Variants in CNTNAP2 observed in about 807,000 individuals in gnomAD.
The protein encoded by CNTNAP2 is contactin associated protein 2, also known as contactin-associated protein-like 2.
CNTNAP2 carries 98 observed loss-of-function variants against 155.2 expected under a neutral mutation model. The observed-to-expected ratio is 0.63, with a 90% CI of 0.54 to 0.75. CNTNAP2 has a LOEUF of 0.75. CNTNAP2 is among the 30% of genes least tolerant of loss of function. CNTNAP2 has a pLI of 0.00. For synonymous variants in CNTNAP2, 651 were observed against 631.2 expected, an observed-to-expected ratio of 1.03 and a Z score of -0.47; for missense variants, 1,727 against 1,688.1, an observed-to-expected ratio of 1.02 and a Z score of -0.40.
At chr7:146,201,675 T>A (rs995617095) in intron 1 of CNTNAP2, among the ~76,000 whole-genome samples, 4 of 140,564 alleles carry the variant, frequency 2.8e-5, no homozygotes, top group Admixed American at 7.4e-5. Flanking sequence ...TGTGTGTGTG[T>A]GAATCAGAAA....
chr7:146,227,623 G>A (rs1799317684), intron 1 of CNTNAP2, among the ~76,000 whole-genome samples: 2 of 151,982 alleles, frequency 1.3e-5, no homozygotes, highest in African/African-American at 4.8e-5. Flanking sequence ...ATGTCAATTG[G>A]TGAGTAATGA....
rs571383052 is a variant in CNTNAP2 at position 146,930,881 on chromosome 7, G to C, written c.402+90977G>C. Among the ~76,000 whole-genome samples the C allele has an allele frequency of 1.1e-4, 16 of 152,254 alleles. No individual in the cohort carries two copies. In the South Asian group the frequency reaches 3.3e-3, roughly 32 times the overall value. On this transcript the variant is annotated intron_variant, in intron 3 of 23. Transcript: ENST00000361727. ...TAAAGGGATTAATTCAACAAGAAGAGCTAACTATCCTAAATATATATGCAC... is the reference window on the plus strand; with the variant it reads ...TAAAGGGATTAATTCAACAAGAAGACCTAACTATCCTAAATATATATGCAC...
chr7:146,752,716 T>G (rs1801927274), intron 1 of CNTNAP2, among the ~76,000 whole-genome samples: 1 of 152,236 alleles, frequency 6.6e-6, no homozygotes, highest in Non-Finnish European at 1.5e-5. Flanking sequence ...TGAATGGTAA[T>G]GTCTAGATTT....
chr7:146,378,299 T>G (rs1262700893), intron 1 of CNTNAP2, among the ~76,000 whole-genome samples: 2 of 152,160 alleles, frequency 1.3e-5, no homozygotes, highest in Non-Finnish European at 2.9e-5. Context: ...TTAATTGGCT[T>G]GAAATGTTGC....
chr7:146,134,047 C>G (rs1584765489), intron 1 of CNTNAP2, among the ~76,000 whole-genome samples: 1 of 149,156 alleles, frequency 6.7e-6, no homozygotes, highest in South Asian at 2.2e-4. Context: ...TACCCATGAG[C>G]ATGGAATGTT....
chr7:148,364,415 TC>T (rs1798690576), intron 21 of CNTNAP2, among the ~76,000 whole-genome samples: 1 of 152,196 alleles, frequency 6.6e-6, no homozygotes, highest in Non-Finnish European at 1.5e-5. Flanking sequence ...AGTGCACCAA[TC>T]GACACTCTGT....
intron 3 of CNTNAP2, among the ~76,000 whole-genome samples, chr7:146,855,414 A>C (rs2129203933): frequency 6.6e-6 from 1 of 152,332 alleles, no homozygotes; most frequent in South Asian, 2.1e-4. Context: ...TGTAATTACA[A>C]AATATTGGAA....
chr7:146,426,385 G>GTATATA (rs71794213), intron 1 of CNTNAP2, among the ~76,000 whole-genome samples: 25 of 135,168 alleles, frequency 1.8e-4, no homozygotes, highest in East Asian at 6.9e-4. Flanking sequence ...AAAACAAAAT[G>GTATATA]TATATATATA....
intron 6 of CNTNAP2, among the ~76,000 whole-genome samples, chr7:147,127,822 A>G (rs1801271772): frequency 1.3e-5 from 2 of 152,174 alleles, no homozygotes; most frequent in African/African-American, 4.8e-5. Flanking sequence ...AATTTAAAAG[A>G]TATATATTAC....
chr7:147,187,469 G>A (rs1267707809), intron 8 of CNTNAP2, among the ~76,000 whole-genome samples: 4 of 152,130 alleles, frequency 2.6e-5, no homozygotes, highest in African/African-American at 7.2e-5. Flanking sequence ...AAGCAACATG[G>A]ATGTAGCTGG....
At chr7:147,355,191 A>G (rs1307989896) in intron 9 of CNTNAP2, among the ~76,000 whole-genome samples, 1 of 152,070 alleles carries the variant, frequency 6.6e-6, no homozygotes, top group African/African-American at 2.4e-5. Context: ...ACCAATGACT[A>G]CTGGGTAAAT....
chr7:148,368,933 G>C (rs1045741393), intron 21 of CNTNAP2, among the ~76,000 whole-genome samples: 10 of 152,140 alleles, frequency 6.6e-5, no homozygotes, highest in African/African-American at 9.7e-5. Context: ...GGTCAGGCGG[G>C]CCCAGGCCTG....
intron 12 of CNTNAP2, among the ~76,000 whole-genome samples, chr7:147,563,004 A>C (rs1461464433): frequency 1.3e-5 from 2 of 152,188 alleles, no homozygotes; most frequent in African/African-American, 4.8e-5. Flanking sequence ...GGGTAATGAT[A>C]ATAAGATGCT....
chr7:146,249,938 T>G (rs1304370972), intron 1 of CNTNAP2, among the ~76,000 whole-genome samples: 1 of 152,184 alleles, frequency 6.6e-6, no homozygotes, highest in Non-Finnish European at 1.5e-5. Context: ...TAGGGCTCTA[T>G]GCAGTGAAAC....
chr7:147,178,397 T>C (rs1438581154), intron 8 of CNTNAP2, among the ~76,000 whole-genome samples: 2 of 152,198 alleles, frequency 1.3e-5, no homozygotes, highest in African/African-American at 4.8e-5. Flanking sequence ...AAACAGTTTC[T>C]TACCTAGAGC....
intron 15 of CNTNAP2, among the ~76,000 whole-genome samples, chr7:148,079,256 A>T (rs542786250): frequency 2.0e-5 from 3 of 152,238 alleles, no homozygotes; most frequent in Admixed American, 2.0e-4. Flanking sequence ...CACTCGATAC[A>T]TGTAAGATAT....
chr7:146,849,644 T>TA (rs1352846911), intron 3 of CNTNAP2, among the ~76,000 whole-genome samples: 1 of 152,214 alleles, frequency 6.6e-6, no homozygotes, highest in African/African-American at 2.4e-5. Flanking sequence ...ATTTACCTTA[T>TA]GCGATTTTTG....
chr7:146,342,515 C>A (rs963241474), intron 1 of CNTNAP2, among the ~76,000 whole-genome samples: 5 of 152,016 alleles, frequency 3.3e-5, no homozygotes, highest in African/African-American at 1.2e-4. Flanking sequence ...AATATATTTG[C>A]CTTATAAATT....
intron 4 of CNTNAP2, among the ~76,000 whole-genome samples, chr7:147,062,174 G>C (rs139578053): frequency 1.1e-5 from 1 of 89,340 alleles, no homozygotes; most frequent in Non-Finnish European, 2.1e-5. Flanking sequence ...AAAAAAACCA[G>C]TTCTTTATGA....
Sources: gnomAD v4.1 joint callset for allele counts (sites outside exome capture counted in the v4.1 genomes callset) on GRCh38, gnomAD v4.1.1 for gene constraint, MANE v1.5 for transcripts, NCBI Gene and HGNC (gene_info 2026-07-23, HGNC 2026-07-21) for gene names.